NRG4: variants seen among roughly 807,000 people sequenced by gnomAD.
NRG4 encodes neuregulin 4, also known as pro-neuregulin-4, membrane-bound isoform.
Under a neutral mutation model 15.0 loss-of-function variants are expected in NRG4, and 10 were observed. The observed-to-expected ratio is 0.67, with a 90% CI of 0.41 to 1.13. The LOEUF is 1.13. NRG4 is among the 50% of genes most tolerant of loss of function. The probability of loss-of-function intolerance (pLI) is 0.00; values close to 1 mark genes in which losing one functional copy is unlikely to be tolerated. For missense variants in NRG4, 139 were observed against 140.2 expected, an observed-to-expected ratio of 0.99 and a Z score of 0.04; for synonymous variants, 41 against 50.1, an observed-to-expected ratio of 0.82 and a Z score of 0.77.
chr15:75,966,771 T>A (rs776205641), intron 3 of NRG4, among the ~76,000 whole-genome samples: 1 of 151,938 alleles, frequency 6.6e-6, no homozygotes, highest in Non-Finnish European at 1.5e-5. Context: ...AAAAAACAAA[T>A]CAAAAATGAA....
intron 1 of NRG4, among the ~76,000 whole-genome samples, chr15:76,057,823 TATAA>T (rs1278823253): frequency 5.3e-5 from 8 of 150,032 alleles, no homozygotes; most frequent in Middle Eastern, 3.5e-3. Flanking sequence ...AAATACATAA[TATAA>T]ATATTTATAA....
intron 3 of NRG4, among the ~76,000 whole-genome samples, chr15:75,984,798 T>C (rs1238204390): frequency 1.3e-5 from 2 of 152,232 alleles, no homozygotes; most frequent in Non-Finnish European, 2.9e-5. Flanking sequence ...AAAAAAATTG[T>C]TTAAAAAATT....
chr15:75,978,823 T>C (rs979768310), intron 3 of NRG4, among the ~76,000 whole-genome samples: 1 of 152,258 alleles, frequency 6.6e-6, no homozygotes, highest in African/African-American at 2.4e-5. Flanking sequence ...CTGTTGGCCA[T>C]TTATATGCCT....
At chr15:75,936,095 G>C (rs913071480), downstream of NRG4, 4 of 152,064 alleles carry the variant, frequency 2.6e-5, no homozygotes, top group African/African-American at 9.7e-5. Context: ...CCACAAATCT[G>C]AGAACTTTCT....
At chr15:76,038,169 G>A (rs1168417631) in intron 4 of NRG4, among the ~76,000 whole-genome samples, 1 of 152,204 alleles carries the variant, frequency 6.6e-6, no homozygotes, top group African/African-American at 2.4e-5. Flanking sequence ...CTTCAGGTGA[G>A]ACCCAGCACA....
upstream of NRG4, among the ~76,000 whole-genome samples, chr15:76,016,647 TTGAG>T (rs1269625664): frequency 2.0e-5 from 3 of 152,210 alleles, no homozygotes; most frequent in African/African-American, 7.2e-5. Flanking sequence ...TTGTGCAGTT[TTGAG>T]TGAGTTTCTT....
intron 4 of NRG4, among the ~76,000 whole-genome samples, chr15:75,959,324 T>C (rs1331347253): frequency 2.6e-5 from 4 of 152,062 alleles, no homozygotes; most frequent in Non-Finnish European, 5.9e-5. Context: ...CAATTCCCAG[T>C]GGAATAGCAG....
At chr15:75,993,090 GT>G (rs2141875280) in intron 3 of NRG4, among the ~76,000 whole-genome samples, 1 of 151,944 alleles carries the variant, frequency 6.6e-6, no homozygotes, top group South Asian at 2.1e-4. Context: ...TAAGAAATCA[GT>G]TGCCATTCAT....
chr15:76,016,653 G>T (rs368999922), upstream of NRG4, among the ~76,000 whole-genome samples: 8 of 152,316 alleles, frequency 5.3e-5, no homozygotes, highest in Admixed American at 6.5e-5. Context: ...AGTTTTGAGT[G>T]AGTTTCTTAA....
intron 4 of NRG4, among the ~76,000 whole-genome samples, chr15:76,041,398 A>G (rs560324407): frequency 1.3e-5 from 2 of 152,000 alleles, no homozygotes; most frequent in Admixed American, 1.3e-4. Context: ...AAAAAACCCA[A>G]AAAAAACCCA....
intron 3 of NRG4, among the ~76,000 whole-genome samples, chr15:75,970,223 C>T (rs1291029897): frequency 1.3e-5 from 2 of 152,206 alleles, no homozygotes; most frequent in Admixed American, 6.5e-5. Flanking sequence ...TAGCAAGGTC[C>T]AGCAAAATTG....
chr15:76,051,913 C>T (rs1187682510), intron 4 of NRG4, among the ~76,000 whole-genome samples: 1 of 150,836 alleles, frequency 6.6e-6, no homozygotes, highest in African/African-American at 2.5e-5. Context: ...TCAAACAGAA[C>T]TGAAACCCAT....
chr15:76,027,497 A>AATATATAT (rs71444947), intron 5 of NRG4, among the ~76,000 whole-genome samples: 24 of 148,668 alleles, frequency 1.6e-4, no homozygotes, highest in African/African-American at 5.2e-4. Context: ...ATAACAGTCA[A>AATATATAT]ATATATATAT....
In NRG4 at chr15:76,045,318, G is replaced by T. The variant is rs1365869759; in HGVS notation, c.-105+6749C>A. On this transcript the variant is annotated intron_variant, in intron 4 of 8. Transcript: ENST00000563910. ...ATGCTGGAGGAGATATGGAGAAAGG[G>T]AAACACTCACATACTGTTGGTGGGA... 2.0e-5 allele frequency among the ~76,000 whole-genome samples: 3 copies of T among 151,040 alleles called. 1 individual carries two copies. Among genetic ancestry groups the T allele is most frequent in the Non-Finnish European group, 4.4e-5 (3 of 67,908 alleles).
At chr15:75,980,771 C>T (rs1464376125) in intron 3 of NRG4, among the ~76,000 whole-genome samples, 1 of 151,956 alleles carries the variant, frequency 6.6e-6, no homozygotes, top group Non-Finnish European at 1.5e-5. Flanking sequence ...TCAGAGACTT[C>T]ATTCAGTTCT....
At chr15:75,973,110 G>A (rs1188804265) in intron 3 of NRG4, among the ~76,000 whole-genome samples, 1 of 152,016 alleles carries the variant, frequency 6.6e-6, no homozygotes, top group Non-Finnish European at 1.5e-5. Flanking sequence ...TGTATTCCTA[G>A]GTATTTTATT....
rs1567108080 is a variant in NRG4 at position 76,009,237 on chromosome 15, A to G, written c.67T>C (p.Cys23Arg). 1 of 1,604,746 alleles carries G rather than the reference A, an allele frequency of 6.2e-7. No individual in the cohort carries two copies. The highest frequency in any genetic ancestry group is 8.5e-7 in the Non-Finnish European group (1 of 1,172,194). ...CTGGGAATAGTAGGTATCACATAAC[A>G]AAGCCCCCCATTCAGGCAAAACGAC... ...HKSFCLNGGL[C>R]YVIPTIPSPF... The change falls in exon 3 of 6, where the codon TGT (cysteine) becomes CGT (arginine). Residue 23 changes from cysteine (C) to arginine (R), a missense_variant. Coordinates refer to ENST00000394907, the MANE Select transcript of NRG4 (RefSeq NM_138573.4).
intron 4 of NRG4, among the ~76,000 whole-genome samples, chr15:76,050,614 T>G (rs901579842): frequency 1.4e-5 from 2 of 144,040 alleles, no homozygotes; most frequent in Non-Finnish European, 3.0e-5. Flanking sequence ...TTTTTTTTTT[T>G]TTTTGTATTT....
At chr15:76,024,912 T>G (rs1424458961) in intron 5 of NRG4, among the ~76,000 whole-genome samples, 1 of 151,846 alleles carries the variant, frequency 6.6e-6, no homozygotes, top group Non-Finnish European at 1.5e-5. Flanking sequence ...CTTCAGAAAA[T>G]TGGAGGGGGC....
Sources: allele counts gnomAD v4.1 joint callset (sites outside exome capture counted in the v4.1 genomes callset), GRCh38; gene constraint gnomAD v4.1.1; transcripts MANE v1.5; gene names NCBI Gene and HGNC (gene_info 2026-07-23, HGNC 2026-07-21).